Variants in GRM1 observed in about 807,000 individuals in gnomAD.
GRM1 encodes glutamate metabotropic receptor 1.
In GRM1, 33 loss-of-function variants were observed where a neutral mutation model predicts 90.9. The observed-to-expected ratio is 0.36, with a 90% confidence interval of 0.28 to 0.49. GRM1 has a LOEUF of 0.49. GRM1 is among the 20% of genes least tolerant of loss of function. The pLI, the probability that GRM1 is intolerant of heterozygous loss-of-function variation, is 0.99. For synonymous variants in GRM1, 700 were observed against 613.2 expected, an observed-to-expected ratio of 1.14 and a Z score of -2.09; for missense variants, 1,190 against 1,534.3, an observed-to-expected ratio of 0.78 and a Z score of 3.75.
chr6:146,175,196 G>A (rs866832920), intron 2 of GRM1, among the ~76,000 whole-genome samples: 9 of 152,210 alleles, frequency 5.9e-5, no homozygotes, highest in Admixed American at 6.5e-5. Flanking sequence ...GGTAGAAACA[G>A]ACCCATAGTA....
intron 1 of GRM1, among the ~76,000 whole-genome samples, chr6:146,101,409 T>C (rs1777044794): frequency 6.6e-6 from 1 of 152,230 alleles, no homozygotes; most frequent in Admixed American, 6.5e-5. Flanking sequence ...TACATGAACA[T>C]AATTTGAACC....
At chr6:146,324,534 A>C (rs1415203332) in intron 3 of GRM1, among the ~76,000 whole-genome samples, 1 of 152,220 alleles carries the variant, frequency 6.6e-6, no homozygotes, top group Non-Finnish European at 1.5e-5. Context: ...TTGTGCTTGA[A>C]TCCCAGGGCC....
intron 7 of GRM1, among the ~76,000 whole-genome samples, chr6:146,419,209 A>G (rs1016181534): frequency 2.6e-5 from 4 of 152,210 alleles, no homozygotes; most frequent in Non-Finnish European, 5.9e-5. Context: ...AGACGGAAGA[A>G]AAATATTAAG....
intron 5 of GRM1, 100 bp from the exon 6 acceptor site, chr6:146,386,790 C>A: frequency 1.1e-6 from 1 of 873,634 alleles, no homozygotes; most frequent in East Asian, 2.6e-5. Context: ...CATAGTTAGT[C>A]TTTTTTTCTT....
chr6:146,116,856 T>C (rs1775767420), intron 1 of GRM1, among the ~76,000 whole-genome samples: 1 of 152,030 alleles, frequency 6.6e-6, no homozygotes, highest in Non-Finnish European at 1.5e-5. Context: ...TTGTACCATA[T>C]AGAATTTCTT....
chr6:146,293,819 A>G (rs1313291386), intron 2 of GRM1, among the ~76,000 whole-genome samples: 1 of 151,636 alleles, frequency 6.6e-6, no homozygotes, highest in Non-Finnish European at 1.5e-5. Context: ...CAGTCTTACT[A>G]ATTAAGCTTT....
rs1562488201 is a variant in GRM1, at chr6:146,140,133, CTTT to C, written c.701-19214_701-19212del. ...TCTTTCTTTCTTTCTTTCTTTCTTT[CTTT>C]CTTTCCTTCCTTCCTTCTTTCTCCT... On this transcript the variant is annotated intron_variant, in intron 1 of 7. Coordinates refer to ENST00000282753, the MANE Select transcript of GRM1 (RefSeq NM_001278064.2). 5.2e-4 allele frequency among the ~76,000 whole-genome samples: 64 copies of C among 122,378 alleles called. No individual in the cohort carries two copies. In the East Asian group the frequency reaches 5.3e-3, roughly 10 times the overall value. The allele number at this position is 122,378 out of a possible 152,430, so 80.3% of individuals were successfully genotyped here. A position where few individuals can be genotyped will look rare whatever the true frequency, so the allele number is the denominator to read the frequency against.
chr6:146,337,819 C>G (rs546369565), intron 3 of GRM1, among the ~76,000 whole-genome samples: 146 of 152,248 alleles, frequency 9.6e-4, no homozygotes, highest in Non-Finnish European at 1.4e-3. Flanking sequence ...CAGGAATACA[C>G]AATTCCCCCA....
At chr6:146,219,481 A>G (rs965784352) in intron 2 of GRM1, among the ~76,000 whole-genome samples, 1 of 152,116 alleles carries the variant, frequency 6.6e-6, no homozygotes, top group Non-Finnish European at 1.5e-5. Context: ...GGCGGTTTTG[A>G]AAGTGTAGGA....
Position 146,436,717 on chromosome 6 carries a change from T to A in GRM1, c.*1921T>A, listed in dbSNP as rs2114709285. ...AAAGGATTTTTCTTGCTGTTTTGAT[T>A]TCTTCTATTATTTGTGGAATGAATT... On this transcript the variant is annotated 3_prime_UTR_variant, in exon 8 of 8. Transcript: ENST00000282753. 6.5e-6 allele frequency: 1 copy of A among 152,768 alleles called. No homozygotes were observed. Among genetic ancestry groups the A allele is most frequent in the Admixed American group, 6.5e-5 (1 of 15,312 alleles). The allele number at this position is 152,768 out of a possible 1,614,324, so 9.5% of individuals were successfully genotyped here.
intron 1 of GRM1, among the ~76,000 whole-genome samples, chr6:146,148,763 A>G (rs1185554206): frequency 6.6e-6 from 1 of 152,184 alleles, no homozygotes; most frequent in Admixed American, 6.5e-5. Flanking sequence ...ACTCTTGCCA[A>G]CAGTGGATAT....
chr6:146,048,532 G>C lies in GRM1; in HGVS notation c.700+18315G>C, dbSNP rs544526164. 3.6e-4 allele frequency among the ~76,000 whole-genome samples: 55 copies of C among 151,778 alleles called. 1 individual carries two copies. The highest frequency in any genetic ancestry group is 7.1e-4 in the Non-Finnish European group (48 of 67,886). ...TCTGTTTTTGTTATGGGTTAATTGT[G>C]TCCCACCACACCCCCCAAAAAAGTT... On this transcript the variant is annotated intron_variant, in intron 1 of 7. Coordinates refer to ENST00000282753, the MANE Select transcript of GRM1 (RefSeq NM_001278064.2).
chr6:146,159,607 TC>T lies in GRM1; in HGVS notation c.950+11del. The stretch of plus-strand genomic sequence containing the variant: ...TCTCACTCATTGGAAGGTAAGTTTC[TC>T]TCTCTCTCTCTCTCTCTCTCTCTCT... On this transcript the variant is annotated intron_variant, in intron 2 of 7. Transcript: ENST00000282753. 5 of 253,018 alleles carry T rather than the reference TC, an allele frequency of 2.0e-5. No homozygotes were observed. Among genetic ancestry groups the T allele is most frequent in the Middle Eastern group, 3.3e-3 (2 of 608 alleles). The allele number at this position is 253,018 out of a possible 1,614,324, so 15.7% of individuals were successfully genotyped here.
At position 146,324,129 on chromosome 6, in the gene GRM1, C is replaced by T. The variant is rs149600743; in HGVS notation, c.1186+19283C>T. Among the ~76,000 whole-genome samples, 754 of 152,288 alleles carry T rather than the reference C, an allele frequency of 5.0e-3. 8 individuals are homozygous for T. Among genetic ancestry groups the T allele is most frequent in the African/African-American group, 0.017 (717 of 41,564 alleles). ...ATCTAGAGAGGCAGTCTGGCTACAG[C>T]GGCTTTGCGGAGCTGCGGTGGGCTC... On this transcript the variant is annotated intron_variant, in intron 3 of 7. Coordinates refer to ENST00000282753, the MANE Select transcript of GRM1 (RefSeq NM_001278064.2).
chr6:146,387,388 A>G (rs1186165228), intron 6 of GRM1, among the ~76,000 whole-genome samples: 1 of 152,090 alleles, frequency 6.6e-6, no homozygotes, highest in African/African-American at 2.4e-5. Context: ...AGAAAAGTAA[A>G]TGTCCCAGCT....
intron 1 of GRM1, among the ~76,000 whole-genome samples, chr6:146,043,786 T>G (rs1029808935): frequency 8.6e-6 from 1 of 116,016 alleles, no homozygotes; most frequent in East Asian, 2.1e-4. Context: ...TCAGGTGATA[T>G]ATATATATAT....
At chr6:146,163,472 T>A (rs1004136261) in intron 2 of GRM1, among the ~76,000 whole-genome samples, 2 of 152,208 alleles carry the variant, frequency 1.3e-5, no homozygotes, top group Non-Finnish European at 2.9e-5. Context: ...TGTGATAAGA[T>A]AGGTACTAAT....
intron 2 of GRM1, among the ~76,000 whole-genome samples, chr6:146,190,562 A>G (rs1299129652): frequency 6.6e-6 from 1 of 152,212 alleles, no homozygotes; most frequent in East Asian, 1.9e-4. Flanking sequence ...AGATTACGGA[A>G]CAGCCACAAA....
intron 1 of GRM1, among the ~76,000 whole-genome samples, chr6:146,050,320 A>G (rs1387576087): frequency 6.6e-6 from 1 of 152,008 alleles, no homozygotes; most frequent in East Asian, 1.9e-4. Context: ...GTCTCTCTAG[A>G]AAAGGCAGTT....
Sources: gnomAD v4.1 joint callset for allele counts (sites outside exome capture counted in the v4.1 genomes callset) on GRCh38, gnomAD v4.1.1 for gene constraint, MANE v1.5 for transcripts, NCBI Gene and HGNC (gene_info 2026-07-23, HGNC 2026-07-21) for gene names.